The following CLYBL variants were observed in gnomAD, a reference collection of about 807,000 sequenced individuals.
CLYBL encodes the protein citramalyl-CoA lyase.
CLYBL carries 31 observed loss-of-function variants against 38.9 expected under a neutral mutation model. The ratio of observed to expected loss-of-function variants is 0.80; its 90% CI spans 0.60 to 1.08. The LOEUF (loss-of-function observed/expected upper bound fraction) is 1.08. Among genes scored for constraint, CLYBL ranks in the 50% least tolerant of loss-of-function variants. CLYBL has a pLI of 0.00. For synonymous variants in CLYBL, 171 were observed against 158.6 expected (o/e 1.08, Z -0.59); for missense variants, 434 against 411.6 (o/e 1.05, Z -0.47).
chr13:99,692,770 CTTTCTAAATCTAT>C (rs1029979104), intron 1 of CLYBL, among the ~76,000 whole-genome samples: 3 of 152,178 alleles, frequency 2.0e-5, no homozygotes, highest in African/African-American at 7.2e-5. Context: ...CACTAATCTA[CTTTCTAAATCTAT>C]AGATTTGTCT....
At chr13:99,867,205 CTGT>C (rs1219601447) in intron 6 of CLYBL, among the ~76,000 whole-genome samples, 1 of 152,168 alleles carries the variant, frequency 6.6e-6, no homozygotes, top group African/African-American at 2.4e-5. Flanking sequence ...ACCTGTTCTT[CTGT>C]TGTTGAAAGT....
At chr13:99,721,774 G>A (rs2048397099) in intron 1 of CLYBL, among the ~76,000 whole-genome samples, 1 of 152,066 alleles carries the variant, frequency 6.6e-6, no homozygotes, top group Non-Finnish European at 1.5e-5. Flanking sequence ...TGGCCCGCAT[G>A]TTGTACTTGC....
At chr13:99,792,383 G>C (rs2049935184) in intron 2 of CLYBL, among the ~76,000 whole-genome samples, 2 of 152,152 alleles carry the variant, frequency 1.3e-5, no homozygotes, top group Admixed American at 6.5e-5. Flanking sequence ...CCTCAGTAGA[G>C]GGGGCAGGGG....
chr13:99,847,805 G>A (rs904135266), intron 2 of CLYBL, among the ~76,000 whole-genome samples: 1 of 152,216 alleles, frequency 6.6e-6, no homozygotes. Flanking sequence ...AGGCAGGCAG[G>A]GCTGCAGGGC....
chr13:99,831,885 A>G (rs1282764144), intron 2 of CLYBL, among the ~76,000 whole-genome samples: 2 of 152,342 alleles, frequency 1.3e-5, no homozygotes, highest in East Asian at 3.9e-4. Context: ...ATAGAGCAAT[A>G]GTATCAATAC....
chr13:99,881,222 T>C lies in CLYBL; in HGVS notation c.928-10096T>C, dbSNP rs146074120. 1.6e-3 allele frequency among the ~76,000 whole-genome samples: 248 copies of C among 152,336 alleles called. 1 individual carries two copies. Among genetic ancestry groups the C allele is most frequent in the African/African-American group, 5.3e-3 (220 of 41,568 alleles). The stretch of plus-strand genomic sequence containing the variant: ...TGGTGTCTGTGTTGAATGACTTCGG[T>C]TGAACTTTCAGAAATTTCATGTAGA... On this transcript the variant is annotated intron_variant, in intron 7 of 8. Coordinates refer to ENST00000339105, the MANE Select transcript of CLYBL (RefSeq NM_206808.5).
Position 99,863,071 on chromosome 13 carries a change from A to T in CLYBL, c.519A>T (p.Ala173=). Residue 173 remains alanine, a synonymous_variant, in exon 4 of 9, where the codon GCA becomes GCT. Coordinates refer to ENST00000339105, the MANE Select transcript of CLYBL (RefSeq NM_206808.5). ...PMNLIPFVET[A]MGLLNFKAVC... Reference sequence around the variant, plus strand: ...ATTTAATCCCTTTTGTGGAAACTGCAATGGGTTTGCTCAATTTTAAGGTAA... The same window carrying T: ...ATTTAATCCCTTTTGTGGAAACTGCTATGGGTTTGCTCAATTTTAAGGTAA... 1.2e-6 allele frequency: 2 copies of T among 1,604,128 alleles called. No homozygotes were observed. Among genetic ancestry groups the T allele is most frequent in the Non-Finnish European group, 1.7e-6 (2 of 1,173,904 alleles).
intron 2 of CLYBL, among the ~76,000 whole-genome samples, chr13:99,800,219 C>T (rs955049738): frequency 2.0e-5 from 3 of 152,240 alleles, no homozygotes; most frequent in Non-Finnish European, 2.9e-5. Context: ...CCAGTCAGTG[C>T]ACTGCATTCC....
In CLYBL at chr13:99,887,857, G is replaced by T. The variant is rs866891494; in HGVS notation, c.928-3461G>T. 7.7e-4 allele frequency among the ~76,000 whole-genome samples: 114 copies of T among 148,876 alleles called. 1 individual carries two copies. The highest frequency in any genetic ancestry group is 2.3e-3 in the African/African-American group (95 of 40,802). On this transcript the variant is annotated intron_variant, in intron 7 of 8. Transcript: ENST00000339105. ...AGATACAGAGTTTCAGGGATTTGGG[G>T]TTTTTTTTTTTTTTTTAGGATGGAG...
intron 1 of CLYBL, among the ~76,000 whole-genome samples, chr13:99,721,025 G>A (rs982763462): frequency 6.7e-6 from 1 of 149,198 alleles, no homozygotes; most frequent in Non-Finnish European, 1.5e-5. Context: ...CATCCATTCT[G>A]TAGTTCCCTA....
At chr13:99,783,895 T>G (rs945354310) in intron 2 of CLYBL, 10 of 152,368 alleles carry the variant, frequency 6.6e-5, no homozygotes, top group African/African-American at 2.4e-4. Flanking sequence ...TATTGAGTGC[T>G]ATGGCATTCT....
At chr13:99,722,623 G>C (rs898230352) in intron 1 of CLYBL, among the ~76,000 whole-genome samples, 2 of 152,192 alleles carry the variant, frequency 1.3e-5, no homozygotes, top group Admixed American at 1.3e-4. Context: ...GATAGAAGCA[G>C]TATTCCAGTG....
chr13:99,654,639 C>T (rs1422611906), intron 1 of CLYBL, among the ~76,000 whole-genome samples: 2 of 152,216 alleles, frequency 1.3e-5, no homozygotes, highest in Non-Finnish European at 2.9e-5. Context: ...CACATAGCCT[C>T]CAACCTCAAA....
At position 99,624,936 on chromosome 13, in the gene CLYBL, GTTT is replaced by G. The variant is rs1213760017; in HGVS notation, c.62+18182_62+18184del. ...TATCTTGAAATTCTTTCTGTTTTTG[GTTT>G]TTCCCCAACTCTCATCCTTCCCCCA... On this transcript the variant is annotated intron_variant, in intron 1 of 8. Coordinates refer to ENST00000339105, the MANE Select transcript of CLYBL (RefSeq NM_206808.5). 4.6e-5 allele frequency among the ~76,000 whole-genome samples: 7 copies of G among 152,176 alleles called. No homozygotes were observed. In the East Asian group the frequency reaches 1.2e-3, roughly 25 times the overall value.
intron 1 of CLYBL, among the ~76,000 whole-genome samples, chr13:99,667,972 A>G (rs1437978899): frequency 6.6e-6 from 1 of 152,236 alleles, no homozygotes; most frequent in African/African-American, 2.4e-5. Context: ...ATAAATCTTC[A>G]TCTTCAATAG....
At chr13:99,632,708 G>T (rs1308288971) in intron 1 of CLYBL, among the ~76,000 whole-genome samples, 1 of 152,070 alleles carries the variant, frequency 6.6e-6, no homozygotes, top group Non-Finnish European at 1.5e-5. Context: ...TTGTGCCACT[G>T]CACTCCAGCC....
intron 2 of CLYBL, among the ~76,000 whole-genome samples, chr13:99,781,254 TCCG>T (rs1302876746): frequency 6.6e-6 from 1 of 152,014 alleles, no homozygotes; most frequent in African/African-American, 2.4e-5. Context: ...CACTGCTAGC[TCCG>T]CCTCCTGTGT....
In CLYBL at chr13:99,865,651, C is replaced by G. The variant is rs923865815; in HGVS notation, c.635-589C>G. 6.6e-6 allele frequency among the ~76,000 whole-genome samples: 1 copy of G among 152,218 alleles called. No individual in the cohort carries two copies. The highest frequency in any genetic ancestry group is 1.5e-5 in the Non-Finnish European group (1 of 68,038). On this transcript the variant is annotated intron_variant, in intron 5 of 8. Transcript: ENST00000339105. This position sits in a 1 kb window ranked among gnomAD's most constrained non-coding sequence, Gnocchi z 4.7. ...AAACTGAATTTATTTGAATACGAGTCTTTCCAGGAGACTTGTGTATCCAAC... is the reference window on the plus strand; with the variant it reads ...AAACTGAATTTATTTGAATACGAGTGTTTCCAGGAGACTTGTGTATCCAAC...
In CLYBL at chr13:99,738,539, C is replaced by T. The variant is rs974574512; in HGVS notation, c.63-34285C>T. On this transcript the variant is annotated intron_variant, in intron 1 of 8. Coordinates refer to ENST00000339105, the MANE Select transcript of CLYBL (RefSeq NM_206808.5). ...GAGGCTGCCAAGTCTGTTCGTTGGTCAGTCAGTCAACACACCTGAGTGCAG... is the reference window on the plus strand; with the variant it reads ...GAGGCTGCCAAGTCTGTTCGTTGGTTAGTCAGTCAACACACCTGAGTGCAG... Among the ~76,000 whole-genome samples the T allele has an allele frequency of 5.5e-4, 84 of 152,102 alleles. 2 individuals are homozygous for T. The highest frequency in any genetic ancestry group is 6.2e-4 in the South Asian group (3 of 4,826).
Sources: allele counts gnomAD v4.1 joint callset (sites outside exome capture counted in the v4.1 genomes callset), GRCh38; gene constraint gnomAD v4.1.1; non-coding constraint Gnocchi (gnomAD v3.1); transcripts MANE v1.5; gene names NCBI Gene and HGNC (gene_info 2026-07-23, HGNC 2026-07-21).